Variants in PDE5A observed in about 807,000 individuals in gnomAD.
PDE5A encodes the protein phosphodiesterase 5A.
A neutral mutation model predicts 110.2 loss-of-function variants in PDE5A; 67 were observed. The ratio of observed to expected loss-of-function variants is 0.61; its 90% CI spans 0.50 to 0.75. The LOEUF (loss-of-function observed/expected upper bound fraction) is 0.75, where lower values mean the gene tolerates loss of function less well. PDE5A is among the 30% of genes least tolerant of loss of function. PDE5A has a pLI of 0.00. For missense variants in PDE5A, 862 were observed against 1,045.1 expected, an observed-to-expected ratio of 0.82 and a Z score of 2.42; for synonymous variants, 328 against 351.2, an observed-to-expected ratio of 0.93 and a Z score of 0.74.
chr4:119,586,219 A>C (rs895379427), intron 3 of PDE5A, among the ~76,000 whole-genome samples: 3 of 152,174 alleles, frequency 2.0e-5, no homozygotes, highest in Non-Finnish European at 4.4e-5. Flanking sequence ...GGTCATTTTC[A>C]CTCCATTTCA....
In PDE5A at chr4:119,499,005, A is replaced by G. The variant is rs969173857; in HGVS notation, c.2491-267T>C. Among the ~76,000 whole-genome samples the G allele has an allele frequency of 3.9e-5, 6 of 152,352 alleles. No homozygotes were observed. The South Asian group carries it at 1.0e-3, about 26-fold the overall frequency. On this transcript the variant is annotated intron_variant, in intron 20 of 20. Coordinates refer to ENST00000354960, the MANE Select transcript of PDE5A (RefSeq NM_001083.4). ...TGCTAGGGAGACAGATCTGTGTGGA[A>G]TCCACTTTTAGGGGAAAAAAGACAT...
chr4:119,499,646 A>G (rs549714225), intron 20 of PDE5A: 33 of 152,078 alleles, frequency 2.2e-4, no homozygotes, highest in African/African-American at 8.0e-4. Flanking sequence ...TATTCAAGCA[A>G]TTCTTCTGCC....
At chr4:119,556,814 A>G (rs1392164973) in intron 7 of PDE5A, among the ~76,000 whole-genome samples, 1 of 152,246 alleles carries the variant, frequency 6.6e-6, no homozygotes, top group Non-Finnish European at 1.5e-5. Flanking sequence ...CATTGCTGAC[A>G]TGGAAGAGTT....
chr4:119,556,930 G>A (rs1332053461), intron 7 of PDE5A, among the ~76,000 whole-genome samples: 1 of 152,174 alleles, frequency 6.6e-6, no homozygotes, highest in Non-Finnish European at 1.5e-5. Flanking sequence ...GATTTTGAAA[G>A]TGTAATACAA....
At chr4:119,619,804 T>A (rs1391682275) in intron 1 of PDE5A, among the ~76,000 whole-genome samples, 1 of 152,214 alleles carries the variant, frequency 6.6e-6, no homozygotes, top group African/African-American at 2.4e-5. Context: ...AATGACATTA[T>A]CTCCATTTTA....
Position 119,516,626 on chromosome 4 carries a change from C to CT in PDE5A, c.2000+2418dup, listed in dbSNP as rs1354720196. Reference sequence around the variant, plus strand: ...AATTCAGTATCTATCTGAGATCATTCTTTTTTTTTTGAGATAGAGTCTCGC... The same window carrying CT: ...AATTCAGTATCTATCTGAGATCATTCTTTTTTTTTTTGAGATAGAGTCTCGC... On this transcript the variant is annotated intron_variant, in intron 14 of 20. Transcript: ENST00000354960. 8.1e-3 allele frequency among the ~76,000 whole-genome samples: 1,195 copies of CT among 147,112 alleles called. 19 individuals carry two copies. Among genetic ancestry groups the CT allele is most frequent in the African/African-American group, 0.028 (1,121 of 40,542 alleles).
At chr4:119,574,693 AG>A (rs1728269248) in intron 3 of PDE5A, among the ~76,000 whole-genome samples, 1 of 152,174 alleles carries the variant, frequency 6.6e-6, no homozygotes, top group Non-Finnish European at 1.5e-5. Context: ...TCTTGGACTT[AG>A]GTTATAAGTC....
intron 1 of PDE5A, among the ~76,000 whole-genome samples, chr4:119,610,793 T>C (rs1003335336): frequency 1.3e-5 from 2 of 152,208 alleles, no homozygotes; most frequent in African/African-American, 4.8e-5. Context: ...TGCTTATTTC[T>C]ATCTCCATTA....
At chr4:119,558,497 T>A (rs975577151) in intron 7 of PDE5A, among the ~76,000 whole-genome samples, 1 of 151,942 alleles carries the variant, frequency 6.6e-6, no homozygotes, top group Admixed American at 6.6e-5. Flanking sequence ...AGAATTGGAG[T>A]CCTAAATCCT....
At chr4:119,536,315 A>G (rs1726720554) in intron 11 of PDE5A, among the ~76,000 whole-genome samples, 1 of 152,192 alleles carries the variant, frequency 6.6e-6, no homozygotes, top group Non-Finnish European at 1.5e-5. Flanking sequence ...AGAACAACAC[A>G]TATAATGATA....
chr4:119,593,203 C>G (rs746270628), intron 3 of PDE5A, among the ~76,000 whole-genome samples: 1 of 152,190 alleles, frequency 6.6e-6, no homozygotes, highest in Non-Finnish European at 1.5e-5. Flanking sequence ...TACCATATGA[C>G]TTAGCAACTG....
intron 12 of PDE5A, among the ~76,000 whole-genome samples, chr4:119,522,856 C>T (rs986414593): frequency 2.6e-5 from 4 of 151,856 alleles, no homozygotes; most frequent in African/African-American, 9.7e-5. Flanking sequence ...TACTTATTTG[C>T]AGTTTGGATG....
intron 12 of PDE5A, among the ~76,000 whole-genome samples, chr4:119,523,733 G>T (rs1224785489): frequency 1.3e-5 from 2 of 151,992 alleles, no homozygotes; most frequent in Non-Finnish European, 2.9e-5. Context: ...AGGCCAAAGA[G>T]AAATAAATCA....
intron 9 of PDE5A, chr4:119,548,547 G>T (rs959047271): frequency 6.6e-6 from 1 of 152,032 alleles, no homozygotes; most frequent in African/African-American, 2.4e-5. Flanking sequence ...TGCCCATGTT[G>T]TATAAAATGT....
chr4:119,610,049 C>T (rs1729689700), intron 1 of PDE5A, among the ~76,000 whole-genome samples: 1 of 152,176 alleles, frequency 6.6e-6, no homozygotes, highest in African/African-American at 2.4e-5. Context: ...GTGTATTGTA[C>T]AAATCACAAG....
intron 14 of PDE5A, 113 bp downstream of exon 14, chr4:119,518,932 C>A (rs1726012326): frequency 3.1e-6 from 2 of 643,536 alleles, no homozygotes; most frequent in South Asian, 4.2e-5. Context: ...TTAAATATAA[C>A]CAGAGTATGT....
chr4:119,607,875 C>T (rs1729596051), intron 1 of PDE5A, among the ~76,000 whole-genome samples: 1 of 152,192 alleles, frequency 6.6e-6, no homozygotes, highest in Non-Finnish European at 1.5e-5. Context: ...AAGTCTGCTT[C>T]TCTCAAAATT....
At position 119,562,871 on chromosome 4, in the gene PDE5A, G is replaced by A; in HGVS notation, c.1093C>T (p.Gln365Ter). 1 of 1,592,386 alleles carries A rather than the reference G, an allele frequency of 6.3e-7. No homozygotes were observed. The highest frequency in any genetic ancestry group is 8.5e-7 in the Non-Finnish European group (1 of 1,171,394). The change falls in exon 6 of 21, where the codon CAG (glutamine) becomes TAG (stop). Residue 365 changes from glutamine (Q) to a stop codon, truncating the protein, a stop_gained. Transcript: ENST00000354960. LOFTEE classifies it high-confidence loss of function. ...TCCACTATGAAAATGGTGCATTTCT[G>A]CACTTGCATGAAAGAGATAATAGTG... Reference protein sequence around the residue: ...AATIISFMQVQKCTIFIVDED... With the variant: ...AATIISFMQV
chr4:119,591,926 C>G (rs184742992), intron 3 of PDE5A, among the ~76,000 whole-genome samples: 4,338 of 151,472 alleles, frequency 0.029, 87 homozygotes, highest in South Asian at 0.071. Context: ...CTGAGGCAGG[C>G]GGATCACGAG....
Sources: allele counts gnomAD v4.1 joint callset (sites outside exome capture counted in the v4.1 genomes callset), GRCh38; gene constraint gnomAD v4.1.1; transcripts MANE v1.5; gene names NCBI Gene and HGNC (gene_info 2026-07-23, HGNC 2026-07-21).